Variants in ARHGAP35 observed in about 807,000 individuals in gnomAD.
The protein encoded by ARHGAP35 is Rho GTPase activating protein 35.
ARHGAP35 carries 15 observed loss-of-function variants against 111.1 expected under a neutral mutation model. The ratio of observed to expected loss-of-function variants is 0.13; its 90% CI spans 0.09 to 0.21. ARHGAP35 has a LOEUF of 0.21. Ranked by LOEUF, ARHGAP35 falls within the 10% of genes least tolerant of loss-of-function variation. ARHGAP35 has a pLI of 1.00. For synonymous variants in ARHGAP35, 643 were observed against 710.3 expected, an observed-to-expected ratio of 0.91 and a Z score of 1.51; for missense variants, 1,262 against 1,873.0, an observed-to-expected ratio of 0.67 and a Z score of 6.02.
rs1290878520 is a variant in ARHGAP35 at position 46,994,540 on chromosome 19, C to T, written c.4037-4764C>T. 1.3e-5 allele frequency among the ~76,000 whole-genome samples: 2 copies of T among 152,194 alleles called. No individual in the cohort carries two copies. The highest frequency in any genetic ancestry group is 2.9e-5 in the Non-Finnish European group (2 of 68,036). On this transcript the variant is annotated intron_variant, in intron 5 of 6. Coordinates refer to ENST00000672722, the MANE Select transcript of ARHGAP35 (RefSeq NM_004491.5). The surrounding 1 kb of genome is among the most constrained non-coding windows in gnomAD (Gnocchi z 5.4). ...GGTTGGAGCGGGATAGCCCAGTCAG[C>T]ACCGTGCTCAGCAAGTAGCAGCCAG...
At chr19:46,880,000 T>G (rs904504156) in intron 1 of ARHGAP35, among the ~76,000 whole-genome samples, 1 of 146,938 alleles carries the variant, frequency 6.8e-6, no homozygotes, top group African/African-American at 2.5e-5. Context: ...GCATGAGAAT[T>G]GCTTGAAACC....
At chr19:46,956,537 G>A (rs1046665373) in intron 3 of ARHGAP35, among the ~76,000 whole-genome samples, 14 of 150,944 alleles carry the variant, frequency 9.3e-5, no homozygotes, top group African/African-American at 2.9e-4. Flanking sequence ...CTCCTGCCTC[G>A]GCCTCCCAAA....
At chr19:46,883,071 G>A (rs2055970922) in intron 1 of ARHGAP35, among the ~76,000 whole-genome samples, 1 of 151,988 alleles carries the variant, frequency 6.6e-6, no homozygotes, top group Non-Finnish European at 1.5e-5. Flanking sequence ...GCACTTAGAG[G>A]CCATTGTGGG....
intron 1 of ARHGAP35, among the ~76,000 whole-genome samples, chr19:46,916,520 C>T (rs1357769795): frequency 1.3e-5 from 2 of 152,164 alleles, no homozygotes; most frequent in Non-Finnish European, 2.9e-5. Context: ...GTTATTGATT[C>T]TTTCAGTGAA....
Position 46,994,650 on chromosome 19 carries a change from G to A in ARHGAP35, c.4037-4654G>A, listed in dbSNP as rs766967840. On this transcript the variant is annotated intron_variant, in intron 5 of 6. Transcript: ENST00000672722. This position sits in a 1 kb window ranked among gnomAD's most constrained non-coding sequence, Gnocchi z 5.4. ...AGGGCCAGGAAGGCCTCGAGGAGCC[G>A]GCCCAGAGCTCCTAGACTAGAGAGG... is the stretch of plus-strand genomic sequence containing the variant. Among the ~76,000 whole-genome samples, 7 of 152,264 alleles carry A rather than the reference G, an allele frequency of 4.6e-5. 1 individual carries two copies. The highest frequency in any genetic ancestry group is 3.4e-3 in the Middle Eastern group (1 of 294).
chr19:46,994,497 T>C lies in ARHGAP35; in HGVS notation c.4037-4807T>C, dbSNP rs994812686. 6.6e-6 allele frequency among the ~76,000 whole-genome samples: 1 copy of C among 152,188 alleles called. No individual in the cohort carries two copies. Among genetic ancestry groups the C allele is most frequent in the Non-Finnish European group, 1.5e-5 (1 of 68,034 alleles). On this transcript the variant is annotated intron_variant, in intron 5 of 6. Transcript: ENST00000672722. This position sits in a 1 kb window ranked among gnomAD's most constrained non-coding sequence, Gnocchi z 5.4. ...GCTTGGAGCCTCGGGAGTCTGTGCT[T>C]GACCACACCCAGGCCCAGGTTGGAG...
At chr19:46,887,986 C>T (rs1170149332) in intron 1 of ARHGAP35, among the ~76,000 whole-genome samples, 4 of 147,610 alleles carry the variant, frequency 2.7e-5, no homozygotes, top group African/African-American at 1.0e-4. Context: ...GAGTCTTGCT[C>T]TGTTGCCCAG....
intron 3 of ARHGAP35, among the ~76,000 whole-genome samples, chr19:46,960,480 G>A (rs371190951): frequency 3.2e-4 from 48 of 152,114 alleles, no homozygotes; most frequent in African/African-American, 1.1e-3. Context: ...TTCATTCTTT[G>A]GTCTACATGC....
chr19:46,972,941 A>G (rs1053335432), intron 3 of ARHGAP35, among the ~76,000 whole-genome samples: 1 of 152,244 alleles, frequency 6.6e-6, no homozygotes, highest in Non-Finnish European at 1.5e-5. Flanking sequence ...CTCACAGAGC[A>G]ATGGAAACAG....
chr19:46,976,720 G>C (rs1302690717), intron 3 of ARHGAP35, among the ~76,000 whole-genome samples: 2 of 152,240 alleles, frequency 1.3e-5, no homozygotes, highest in African/African-American at 4.8e-5. Context: ...GGTACAGCAG[G>C]CTGTCCTGTG....
At chr19:46,934,384 C>T (rs1475672674) in intron 2 of ARHGAP35, among the ~76,000 whole-genome samples, 4 of 152,216 alleles carry the variant, frequency 2.6e-5, no homozygotes, top group African/African-American at 7.2e-5. Flanking sequence ...CCCCTCCTCC[C>T]GGAGACACAG....
At chr19:46,954,651 G>A (rs946466584) in intron 3 of ARHGAP35, among the ~76,000 whole-genome samples, 2 of 152,228 alleles carry the variant, frequency 1.3e-5, no homozygotes, top group Admixed American at 6.5e-5. Context: ...CCCAGTTTGC[G>A]TTCTTTCACT....
intron 1 of ARHGAP35, among the ~76,000 whole-genome samples, chr19:46,862,002 G>C (rs1786648233): frequency 6.6e-6 from 1 of 152,138 alleles, no homozygotes; most frequent in African/African-American, 2.4e-5. Flanking sequence ...CCGTGCCCCA[G>C]CTCATTCCCC....
In ARHGAP35 at chr19:46,929,939, T is replaced by A. The variant is rs140697015; in HGVS notation, c.3682-7325T>A. ...CAAAAAAAAAAAAAAATTAAAAAAA[T>A]TTTTTAAAAGTTGGGGTCTCACTAT... On this transcript the variant is annotated intron_variant, in intron 2 of 6. Coordinates refer to ENST00000672722, the MANE Select transcript of ARHGAP35 (RefSeq NM_004491.5). Among the ~76,000 whole-genome samples, 1,197 of 150,932 alleles carry A rather than the reference T, an allele frequency of 7.9e-3. 8 individuals carry two copies. The highest frequency in any genetic ancestry group is 0.027 in the African/African-American group (1,117 of 41,108).
chr19:46,962,612 T>C (rs1232137621), intron 3 of ARHGAP35, among the ~76,000 whole-genome samples: 1 of 152,128 alleles, frequency 6.6e-6, no homozygotes, highest in African/African-American at 2.4e-5. Flanking sequence ...CTCATTCTTT[T>C]GTTTTTGTTT....
At chr19:46,879,587 A>AAATAAATAAATAAATAAAT (rs2055946961) in intron 1 of ARHGAP35, among the ~76,000 whole-genome samples, 2 of 87,678 alleles carry the variant, frequency 2.3e-5, no homozygotes, top group African/African-American at 4.4e-5. Flanking sequence ...ACTCCATCTC[A>AAATAAATAAATAAATAAAT]AAATAAATAA....
intron 1 of ARHGAP35, among the ~76,000 whole-genome samples, chr19:46,887,213 G>A (rs1467662418): frequency 1.3e-5 from 2 of 151,940 alleles, no homozygotes; most frequent in Non-Finnish European, 2.9e-5. Context: ...GGGGGGTGGG[G>A]GAGCATATAT....
chr19:46,872,536 T>C (rs958390041), intron 1 of ARHGAP35, among the ~76,000 whole-genome samples: 6 of 152,078 alleles, frequency 3.9e-5, no homozygotes, highest in African/African-American at 1.2e-4. Context: ...TGTTGGACTC[T>C]AGTACCTTTG....
At position 46,945,635 on chromosome 19, in the gene ARHGAP35, C is replaced by G. The variant is rs1054893648; in HGVS notation, c.3826+8227C>G. Among the ~76,000 whole-genome samples the G allele has an allele frequency of 6.6e-6, 1 of 152,126 alleles. No individual in the cohort carries two copies. The highest frequency in any genetic ancestry group is 6.5e-5 in the Admixed American group (1 of 15,278). The stretch of plus-strand genomic sequence containing the variant: ...CCAAGTGTCGTCACACCTGCCCACC[C>G]GGGACGGTCTCAGCGTTCTGGAGAC... On this transcript the variant is annotated intron_variant, in intron 3 of 6. Transcript: ENST00000672722. This position sits in a 1 kb window ranked among gnomAD's most constrained non-coding sequence, Gnocchi z 4.1.
Sources: allele counts gnomAD v4.1 joint callset (sites outside exome capture counted in the v4.1 genomes callset), GRCh38; gene constraint gnomAD v4.1.1; non-coding constraint Gnocchi (gnomAD v3.1); transcripts MANE v1.5; gene names NCBI Gene and HGNC (gene_info 2026-07-23, HGNC 2026-07-21).